Variants in KCNIP4 observed in about 807,000 individuals in gnomAD.
The protein encoded by KCNIP4 is Kv channel-interacting protein 4.
Under a neutral mutation model 34.0 loss-of-function variants are expected in KCNIP4, and 12 were observed. The ratio of observed to expected loss-of-function variants is 0.35; its 90% CI spans 0.23 to 0.57. The LOEUF is 0.57. KCNIP4 is among the 20% of genes least tolerant of loss of function. The probability of loss-of-function intolerance (pLI) is 0.83; values close to 1 mark genes in which losing one functional copy is unlikely to be tolerated. For synonymous variants in KCNIP4, 124 were observed against 102.2 expected (o/e 1.21, Z -1.29); for missense variants, 238 against 311.7 (o/e 0.76, Z 1.78).
chr4:21,104,268 A>T (rs1171074521), intron 1 of KCNIP4, among the ~76,000 whole-genome samples: 3 of 152,038 alleles, frequency 2.0e-5, no homozygotes, highest in South Asian at 4.2e-4. Flanking sequence ...TTTTCCTGAC[A>T]TTTTAATGAT....
At chr4:21,129,702 C>A (rs1398318065) in intron 1 of KCNIP4, among the ~76,000 whole-genome samples, 1 of 152,134 alleles carries the variant, frequency 6.6e-6, no homozygotes, top group Non-Finnish European at 1.5e-5. Flanking sequence ...CGAAAGTTCT[C>A]AACCTTGGGG....
At chr4:20,936,723 G>A (rs1053901894) in intron 1 of KCNIP4, among the ~76,000 whole-genome samples, 2 of 147,624 alleles carry the variant, frequency 1.4e-5, no homozygotes, top group African/African-American at 2.6e-5. Context: ...CAAGCAACAG[G>A]ATGGAAAAAA....
At chr4:21,121,499 A>G (rs956289473) in intron 1 of KCNIP4, among the ~76,000 whole-genome samples, 1 of 152,242 alleles carries the variant, frequency 6.6e-6, no homozygotes, top group South Asian at 2.1e-4. Flanking sequence ...TTGTCTTAGA[A>G]AGTAAAAGTG....
chr4:20,744,712 A>G (rs1560425876), intron 5 of KCNIP4, among the ~76,000 whole-genome samples: 2 of 152,234 alleles, frequency 1.3e-5, no homozygotes, highest in African/African-American at 2.4e-5. Context: ...GCACATGTAT[A>G]CATATGTAAC....
chr4:20,737,771 T>C (rs757562830), intron 5 of KCNIP4, among the ~76,000 whole-genome samples: 4 of 152,196 alleles, frequency 2.6e-5, no homozygotes, highest in East Asian at 1.9e-4. Context: ...TAGAAAATTA[T>C]TTATGACATA....
In KCNIP4 at chr4:21,915,380, C is replaced by T. The variant is rs915385897; in HGVS notation, c.61+33191G>A. ...ACTCTTCTATGTGCTAGACCTTTTG[C>T]AAGATCCTTTGTCTACAAAACTCAT... On this transcript the variant is annotated intron_variant, in intron 1 of 8. Transcript: ENST00000382152. 2.6e-5 allele frequency among the ~76,000 whole-genome samples: 4 copies of T among 152,112 alleles called. No homozygotes were observed. The East Asian group carries it at 5.8e-4, about 22-fold the overall frequency.
intron 1 of KCNIP4, among the ~76,000 whole-genome samples, chr4:21,282,259 A>G (rs1232933553): frequency 6.6e-6 from 1 of 152,232 alleles, no homozygotes; most frequent in Non-Finnish European, 1.5e-5. Flanking sequence ...ACTTACACTT[A>G]AATACATTAT....
intron 1 of KCNIP4, among the ~76,000 whole-genome samples, chr4:21,658,169 A>T (rs535295792): frequency 6.6e-6 from 1 of 152,298 alleles, no homozygotes; most frequent in South Asian, 2.1e-4. Context: ...TACACAGCAT[A>T]CAGATAAATA....
chr4:21,610,682 A>C (rs1332373531), intron 1 of KCNIP4, among the ~76,000 whole-genome samples: 1 of 152,170 alleles, frequency 6.6e-6, no homozygotes, highest in Non-Finnish European at 1.5e-5. Context: ...GTTTATTCAT[A>C]CATTTTCATA....
At chr4:20,876,476 C>A (rs924977029) in intron 2 of KCNIP4, among the ~76,000 whole-genome samples, 2 of 152,120 alleles carry the variant, frequency 1.3e-5, no homozygotes, top group African/African-American at 4.8e-5. Flanking sequence ...CATAAAGTAG[C>A]TAAATCCCTT....
intron 1 of KCNIP4, among the ~76,000 whole-genome samples, chr4:21,854,724 G>A (rs1297624918): frequency 6.6e-6 from 1 of 152,140 alleles, no homozygotes. Context: ...CGATTGTGTT[G>A]AGCCTTGACA....
chr4:21,697,370 A>G (rs1254721759), intron 1 of KCNIP4: 16 of 1,537,696 alleles, frequency 1.0e-5, no homozygotes, highest in South Asian at 1.3e-5. Flanking sequence ...AGAACCTGTT[A>G]ATAGTCTGAG....
Position 21,388,299 on chromosome 4 carries a change from TA to T in KCNIP4, c.62-505591del, listed in dbSNP as rs1157951559. ...ATGTAATAATAAATATATATAATTT[TA>T]AAAAGCCTCAACTGTTCCACACTAA... On this transcript the variant is annotated intron_variant, in intron 1 of 8. Transcript: ENST00000382152. 6.6e-5 allele frequency among the ~76,000 whole-genome samples: 10 copies of T among 150,622 alleles called. No individual in the cohort carries two copies. The East Asian group carries it at 1.9e-3, about 29-fold the overall frequency.
At chr4:21,546,916 T>G (rs895420281) in intron 1 of KCNIP4, among the ~76,000 whole-genome samples, 17 of 152,100 alleles carry the variant, frequency 1.1e-4, no homozygotes, top group African/African-American at 2.9e-4. Flanking sequence ...AAGAGAAAAT[T>G]TATTCTTATC....
At chr4:21,126,985 C>A (rs951214437) in intron 1 of KCNIP4, among the ~76,000 whole-genome samples, 32 of 152,320 alleles carry the variant, frequency 2.1e-4, no homozygotes, top group African/African-American at 7.0e-4. Flanking sequence ...TAAATTCTCA[C>A]CTGACCTTGA....
At chr4:21,932,431 T>C (rs545255566) in intron 1 of KCNIP4, among the ~76,000 whole-genome samples, 86 of 152,262 alleles carry the variant, frequency 5.6e-4, no homozygotes, top group African/African-American at 1.9e-3. Flanking sequence ...TATGTGATAC[T>C]TGCTATTTGT....
chr4:20,777,463 T>C (rs1330541257), intron 3 of KCNIP4, among the ~76,000 whole-genome samples: 1 of 152,108 alleles, frequency 6.6e-6, no homozygotes, highest in Non-Finnish European at 1.5e-5. Flanking sequence ...TTTTAATGAA[T>C]AGGATTAATG....
intron 1 of KCNIP4, among the ~76,000 whole-genome samples, chr4:21,684,911 C>T (rs545290395): frequency 2.6e-5 from 4 of 151,954 alleles, no homozygotes; most frequent in Non-Finnish European, 5.9e-5. Flanking sequence ...ACAATAAAAA[C>T]AAACTTAATT....
intron 1 of KCNIP4, among the ~76,000 whole-genome samples, chr4:21,256,574 G>A (rs748637145): frequency 1.1e-4 from 17 of 152,068 alleles, no homozygotes; most frequent in Non-Finnish European, 2.1e-4. Context: ...ACTTCAGCCT[G>A]GGTGACAGAG....
Sources: gnomAD v4.1 joint callset for allele counts (sites outside exome capture counted in the v4.1 genomes callset) on GRCh38, gnomAD v4.1.1 for gene constraint, MANE v1.5 for transcripts, NCBI Gene and HGNC (gene_info 2026-07-23, HGNC 2026-07-21) for gene names.